Variants in RPS6KC1 observed in about 807,000 individuals in gnomAD.
RPS6KC1 encodes the protein inactive ribosomal protein S6 kinase delta-1.
A neutral mutation model predicts 103.8 loss-of-function variants in RPS6KC1; 54 were observed. The ratio of observed to expected loss-of-function variants is 0.52; its 90% CI spans 0.42 to 0.65. RPS6KC1 has a LOEUF of 0.65. Ranked by LOEUF, RPS6KC1 falls within the 30% of genes least tolerant of loss-of-function variation. RPS6KC1 has a pLI of 0.00. For missense variants in RPS6KC1, 1,151 were observed against 1,253.8 expected, an observed-to-expected ratio of 0.92 and a Z score of 1.24; for synonymous variants, 439 against 438.7, an observed-to-expected ratio of 1.00 and a Z score of -0.01.
At chr1:213,611,249 A>G in the RPS6KC1 span, among the ~76,000 whole-genome samples, 3 of 152,286 alleles carry the variant, frequency 2.0e-5, no homozygotes, top group African/African-American at 7.2e-5. Context: ...ATTCTTTTCT[A>G]GGAGAGCAGA....
chr1:213,727,849 G>A, the RPS6KC1 span, among the ~76,000 whole-genome samples: 1 of 152,200 alleles, frequency 6.6e-6, no homozygotes, highest in Admixed American at 6.5e-5. Context: ...AGAAAGTTGT[G>A]GAGAGAAAGA....
the RPS6KC1 span, among the ~76,000 whole-genome samples, chr1:213,724,690 A>G: frequency 6.6e-6 from 1 of 152,160 alleles, no homozygotes; most frequent in East Asian, 1.9e-4. Context: ...ACTTGAGGCC[A>G]GGAGTTTTCA....
At chr1:213,191,552 T>A (rs1317253242) in intron 8 of RPS6KC1, among the ~76,000 whole-genome samples, 1 of 152,158 alleles carries the variant, frequency 6.6e-6, no homozygotes, top group African/African-American at 2.4e-5. Flanking sequence ...GTCTTTAGAT[T>A]TTTTTCAAAT....
chr1:213,302,403 C>G, the RPS6KC1 span, among the ~76,000 whole-genome samples: 2 of 152,186 alleles, frequency 1.3e-5, no homozygotes, highest in East Asian at 1.9e-4. Flanking sequence ...GACTCACACC[C>G]ATAATCGCAA....
At chr1:213,661,565 G>A in the RPS6KC1 span, among the ~76,000 whole-genome samples, 1 of 152,202 alleles carries the variant, frequency 6.6e-6, no homozygotes, top group Non-Finnish European at 1.5e-5. Flanking sequence ...AGTCAGAGGC[G>A]GGGGAGGAGT....
the RPS6KC1 span, among the ~76,000 whole-genome samples, chr1:213,493,228 G>A: frequency 6.6e-6 from 1 of 152,190 alleles, no homozygotes; most frequent in African/African-American, 2.4e-5. Flanking sequence ...GTTGCATGAA[G>A]CTTATGACTT....
the RPS6KC1 span, among the ~76,000 whole-genome samples, chr1:213,782,824 A>C: frequency 6.6e-6 from 1 of 152,172 alleles, no homozygotes; most frequent in African/African-American, 2.4e-5. Flanking sequence ...GAACATAAAT[A>C]AGGGTAAGGC....
chr1:213,550,239 G>A, the RPS6KC1 span, among the ~76,000 whole-genome samples: 1 of 152,194 alleles, frequency 6.6e-6, no homozygotes, highest in Non-Finnish European at 1.5e-5. Flanking sequence ...TGCGGTGTCA[G>A]ACCCAGGGGG....
At chr1:213,306,971 G>C in the RPS6KC1 span, among the ~76,000 whole-genome samples, 1 of 151,662 alleles carries the variant, frequency 6.6e-6, no homozygotes, top group Non-Finnish European at 1.5e-5. Flanking sequence ...TAATTTGACT[G>C]TTCAGTGGCC....
chr1:213,583,819 T>C, the RPS6KC1 span, among the ~76,000 whole-genome samples: 11 of 40,318 alleles, frequency 2.7e-4, no homozygotes, highest in African/African-American at 1.4e-3. Context: ...AGATTCTGTC[T>C]CAAAAAAAAA....
At chr1:213,247,372 T>C (rs977530401) in intron 12 of RPS6KC1, among the ~76,000 whole-genome samples, 1 of 152,184 alleles carries the variant, frequency 6.6e-6, no homozygotes, top group Non-Finnish European at 1.5e-5. Flanking sequence ...CTTTCTTTGC[T>C]CTCCTAGCCT....
intron 8 of RPS6KC1, among the ~76,000 whole-genome samples, chr1:213,177,888 G>A (rs1008076007): frequency 1.3e-5 from 2 of 152,038 alleles, no homozygotes; most frequent in Non-Finnish European, 2.9e-5. Context: ...GTAATAGCTA[G>A]TAGTCTCACA....
intron 1 of RPS6KC1, among the ~76,000 whole-genome samples, chr1:213,054,872 A>G (rs576268004): frequency 6.6e-6 from 1 of 152,140 alleles, no homozygotes; most frequent in Non-Finnish European, 1.5e-5. Flanking sequence ...TTGATTCTTT[A>G]GTTGAAGGAG....
the RPS6KC1 span, among the ~76,000 whole-genome samples, chr1:213,630,393 C>CA: frequency 6.6e-6 from 1 of 152,194 alleles, no homozygotes; most frequent in Non-Finnish European, 1.5e-5. Context: ...CTTCTGCATT[C>CA]GTCATGTAGT....
At chr1:213,415,507 G>A in the RPS6KC1 span, among the ~76,000 whole-genome samples, 1 of 152,202 alleles carries the variant, frequency 6.6e-6, no homozygotes, top group Non-Finnish European at 1.5e-5. Flanking sequence ...GGCAGGACTG[G>A]GATTGGGGAC....
chr1:213,457,533 T>A, the RPS6KC1 span, among the ~76,000 whole-genome samples: 7 of 152,358 alleles, frequency 4.6e-5, no homozygotes, highest in African/African-American at 1.7e-4. Flanking sequence ...TGGTTATGCA[T>A]GGTTGACTGG....
chr1:213,561,956 T>A, the RPS6KC1 span, among the ~76,000 whole-genome samples: 2 of 152,208 alleles, frequency 1.3e-5, no homozygotes, highest in Admixed American at 1.3e-4. Flanking sequence ...GGGTCAAGGT[T>A]GCACTTTCAA....
At chr1:213,596,391 G>T in the RPS6KC1 span, among the ~76,000 whole-genome samples, 1 of 152,144 alleles carries the variant, frequency 6.6e-6, no homozygotes, top group African/African-American at 2.4e-5. Flanking sequence ...TATTATAAAG[G>T]GTTTTCTCCA....
the RPS6KC1 span, among the ~76,000 whole-genome samples, chr1:213,340,831 G>T: frequency 1.3e-4 from 19 of 147,940 alleles, no homozygotes; most frequent in South Asian, 3.2e-3. Context: ...AGATGTGAGG[G>T]CAGGCGGGGC....
Sources: gnomAD v4.1 joint callset for allele counts (sites outside exome capture counted in the v4.1 genomes callset) on GRCh38, gnomAD v4.1.1 for gene constraint, MANE v1.5 for transcripts, NCBI Gene and HGNC (gene_info 2026-07-23, HGNC 2026-07-21) for gene names.